The following FGGY variants were observed in gnomAD, a reference collection of about 807,000 sequenced individuals.
FGGY encodes the protein FGGY carbohydrate kinase domain containing.
In FGGY, 72 loss-of-function variants were observed where a neutral mutation model predicts 71.3. The observed-to-expected ratio is 1.01, with a 90% CI of 0.84 to 1.23. The LOEUF is 1.23. Among genes scored for constraint, FGGY ranks in the 50% most tolerant of loss-of-function variants. FGGY has a pLI of 0.00. For synonymous variants in FGGY, 251 were observed against 250.3 expected (o/e 1.00, Z -0.02); for missense variants, 668 against 682.3 (o/e 0.98, Z 0.23).
chr1:59,388,241 A>G (rs932742902), intron 5 of FGGY, among the ~76,000 whole-genome samples: 2 of 152,158 alleles, frequency 1.3e-5, no homozygotes, highest in Non-Finnish European at 2.9e-5. Context: ...TGATTACCAC[A>G]TGGCAGTGGG....
intron 4 of FGGY, among the ~76,000 whole-genome samples, chr1:59,372,794 A>T (rs182037915): frequency 6.6e-6 from 1 of 152,136 alleles, no homozygotes; most frequent in South Asian, 2.1e-4. Flanking sequence ...TATAAACAGA[A>T]CCAAAGACAA....
At position 59,648,575 on chromosome 1, in the gene FGGY, T is replaced by C. The variant is rs1389561074; in HGVS notation, c.1221+10200T>C. 3.6e-3 allele frequency among the ~76,000 whole-genome samples: 527 copies of C among 147,096 alleles called. 4 individuals are homozygous for C. The highest frequency in any genetic ancestry group is 0.023 in the South Asian group (105 of 4,614). Reference sequence around the variant, plus strand: ...TTGAGAAGTGTCTGTTCATGTCCTTTGCCCACTTTTTGATGGGGTTGTTTG... The same window carrying C: ...TTGAGAAGTGTCTGTTCATGTCCTTCGCCCACTTTTTGATGGGGTTGTTTG... On this transcript the variant is annotated intron_variant, in intron 11 of 15. Coordinates refer to ENST00000303721, the MANE Select transcript of FGGY (RefSeq NM_018291.5).
At chr1:59,694,726 G>A (rs963743796) in intron 14 of FGGY, among the ~76,000 whole-genome samples, 15 of 149,362 alleles carry the variant, frequency 1.0e-4, no homozygotes, top group Non-Finnish European at 2.1e-4. Context: ...GGGTCTCAAT[G>A]TGTTGCCCAG....
chr1:59,636,605 G>C (rs1968547), intron 10 of FGGY, among the ~76,000 whole-genome samples: 1 of 152,014 alleles, frequency 6.6e-6, no homozygotes, highest in Admixed American at 6.5e-5. Flanking sequence ...CTTGGTGACA[G>C]AGCAAGATTC....
chr1:59,409,595 T>TA (rs1259202807), intron 5 of FGGY, among the ~76,000 whole-genome samples: 1,990 of 87,646 alleles, frequency 0.023, 53 homozygotes, highest in African/African-American at 0.075. Context: ...AAGGAAGAGT[T>TA]TTTTATATAT....
At chr1:59,669,502 C>G (rs1278919579) in intron 13 of FGGY, among the ~76,000 whole-genome samples, 1 of 147,152 alleles carries the variant, frequency 6.8e-6, no homozygotes, top group Non-Finnish European at 1.5e-5. Context: ...AACATTCAAG[C>G]TTAAAATTTG....
intron 8 of FGGY, among the ~76,000 whole-genome samples, chr1:59,583,609 A>C (rs1173749513): frequency 2.8e-5 from 4 of 142,200 alleles, no homozygotes; most frequent in Non-Finnish European, 4.5e-5. Flanking sequence ...AGGAAGCTTC[A>C]TGGGGGGCAC....
intron 5 of FGGY, among the ~76,000 whole-genome samples, chr1:59,416,035 A>G (rs1313147899): frequency 6.6e-6 from 1 of 152,234 alleles, no homozygotes; most frequent in Admixed American, 6.5e-5. Context: ...TTGTGTGGCC[A>G]ATAGGGTAGG....
intron 6 of FGGY, among the ~76,000 whole-genome samples, chr1:59,483,733 A>G (rs2093575221): frequency 6.6e-6 from 1 of 152,166 alleles, no homozygotes; most frequent in African/African-American, 2.4e-5. Flanking sequence ...GCCTATGGTG[A>G]CAGTTTAAAT....
At chr1:59,301,861 G>A (rs183859821) in intron 1 of FGGY, among the ~76,000 whole-genome samples, 103 of 150,046 alleles carry the variant, frequency 6.9e-4, no homozygotes, top group African/African-American at 2.1e-3. Context: ...TTACAGGCAC[G>A]CACCACCACA....
At chr1:59,532,316 C>A (rs1178146330) in intron 7 of FGGY, among the ~76,000 whole-genome samples, 1 of 151,750 alleles carries the variant, frequency 6.6e-6, no homozygotes, top group Non-Finnish European at 1.5e-5. Context: ...AGCCAGTATA[C>A]AAAAGGATGG....
intron 1 of FGGY, among the ~76,000 whole-genome samples, chr1:59,312,529 C>T (rs2044540504): frequency 6.6e-6 from 1 of 152,156 alleles, no homozygotes; most frequent in Admixed American, 6.5e-5. Context: ...TTTATTGGAA[C>T]ACAAGGGTTG....
intron 2 of FGGY, among the ~76,000 whole-genome samples, chr1:59,329,894 A>G (rs115766161): frequency 0.012 from 1,779 of 152,336 alleles, 16 homozygotes; most frequent in Non-Finnish European, 0.018. Flanking sequence ...ATTATACTGA[A>G]CAGCACAGAT....
intron 5 of FGGY, among the ~76,000 whole-genome samples, chr1:59,437,022 G>A (rs1023926128): frequency 6.6e-6 from 1 of 152,270 alleles, no homozygotes; most frequent in Non-Finnish European, 1.5e-5. Context: ...CAGATGCTGA[G>A]TTTGTCTTTG....
chr1:59,625,666 C>G (rs1470319021), intron 9 of FGGY, among the ~76,000 whole-genome samples: 1 of 152,116 alleles, frequency 6.6e-6, no homozygotes, highest in East Asian at 1.9e-4. Flanking sequence ...AGACCCCCCC[C>G]ATTTGACATA....
intron 14 of FGGY, among the ~76,000 whole-genome samples, chr1:59,676,922 T>C (rs1453418422): frequency 9.2e-5 from 14 of 152,198 alleles, no homozygotes; most frequent in Non-Finnish European, 1.5e-5. Flanking sequence ...TGTCACTTGT[T>C]CTCTCTGGGT....
intron 2 of FGGY, among the ~76,000 whole-genome samples, chr1:59,329,352 A>C (rs866379198): frequency 3.3e-5 from 5 of 152,270 alleles, no homozygotes; most frequent in Middle Eastern, 3.2e-3. Context: ...TTTATTGCTA[A>C]AAATGCTAAT....
At chr1:59,317,455 C>G (rs58797705) in intron 1 of FGGY, among the ~76,000 whole-genome samples, 1 of 152,030 alleles carries the variant, frequency 6.6e-6, no homozygotes, top group Non-Finnish European at 1.5e-5. Flanking sequence ...TGATCCTTAT[C>G]CTTGTTTACT....
intron 5 of FGGY, 85 bp from the exon 6 acceptor site, chr1:59,456,876 A>G (rs2091752439): frequency 2.5e-6 from 2 of 801,278 alleles, no homozygotes; most frequent in Non-Finnish European, 4.3e-6. Context: ...ATACCTCTGC[A>G]GATACCTGGA....
Sources: gnomAD v4.1 joint callset for allele counts (sites outside exome capture counted in the v4.1 genomes callset) on GRCh38, gnomAD v4.1.1 for gene constraint, MANE v1.5 for transcripts, NCBI Gene and HGNC (gene_info 2026-07-23, HGNC 2026-07-21) for gene names.